The following ANKRD62 variants were observed in gnomAD, a reference collection of about 807,000 sequenced individuals.
ANKRD62 encodes the protein ankyrin repeat domain-containing protein 62.
A neutral mutation model predicts 98.8 loss-of-function variants in ANKRD62; 61 were observed. The observed-to-expected ratio is 0.62, with a 90% CI of 0.50 to 0.76. The LOEUF (loss-of-function observed/expected upper bound fraction) is 0.76, where lower values mean the gene tolerates loss of function less well. Ranked by LOEUF, ANKRD62 falls within the 30% of genes least tolerant of loss-of-function variation. The pLI is 0.00. For missense variants in ANKRD62, 933 were observed against 1,082.9 expected (o/e 0.86, Z 1.94); for synonymous variants, 341 against 367.9 (o/e 0.93, Z 0.84).
chr18:12,146,604 C>T, the ANKRD62 span, among the ~76,000 whole-genome samples: 2 of 152,122 alleles, frequency 1.3e-5, no homozygotes, highest in African/African-American at 4.8e-5. Context: ...GGCCAGCATG[C>T]CCAGCTAATT....
At chr18:12,150,723 A>G in the ANKRD62 span, among the ~76,000 whole-genome samples, 1 of 152,222 alleles carries the variant, frequency 6.6e-6, no homozygotes, top group African/African-American at 2.4e-5. Context: ...AGTGAAGGAG[A>G]AATAAGATCC....
At chr18:12,157,846 G>A in the ANKRD62 span, among the ~76,000 whole-genome samples, 1 of 152,180 alleles carries the variant, frequency 6.6e-6, no homozygotes. Context: ...GGGCAACTAT[G>A]GGCTTCTACA....
chr18:12,113,116 A>G (rs1909583394), intron 8 of ANKRD62, among the ~76,000 whole-genome samples: 1 of 151,968 alleles, frequency 6.6e-6, no homozygotes, highest in Non-Finnish European at 1.5e-5. Flanking sequence ...GCTGGTCTCG[A>G]ACTCCTGACC....
intron 8 of ANKRD62, among the ~76,000 whole-genome samples, chr18:12,108,936 A>G (rs146488397): frequency 1.5e-4 from 23 of 152,362 alleles, no homozygotes; most frequent in Non-Finnish European, 2.9e-4. Context: ...GTGGGCTCCC[A>G]TGGCCTTGGG....
At chr18:12,111,347 T>G (rs1250933788) in intron 8 of ANKRD62, among the ~76,000 whole-genome samples, 1 of 152,192 alleles carries the variant, frequency 6.6e-6, no homozygotes, top group African/African-American at 2.4e-5. Context: ...CAGAAATGTC[T>G]TTTGATGAAA....
the ANKRD62 span, among the ~76,000 whole-genome samples, chr18:12,163,204 A>G: frequency 3.0e-3 from 463 of 152,048 alleles, 2 homozygotes; most frequent in Non-Finnish European, 4.6e-3. Context: ...CATAGTTTTC[A>G]TTATAGAGAT....
At chr18:12,173,032 A>C in the ANKRD62 span, among the ~76,000 whole-genome samples, 1 of 152,124 alleles carries the variant, frequency 6.6e-6, no homozygotes, top group South Asian at 2.1e-4. Context: ...TAGGAAAGAG[A>C]ATTCTCTGAC....
chr18:12,095,589 A>G lies in ANKRD62; in HGVS notation c.486A>G (p.Ala162=). The change falls in exon 3 of 14, where the codon GCA becomes GCG. Residue 162 remains alanine (A), a synonymous_variant. Transcript: ENST00000587848. ...SMARKLLAYG[A]DIEARSQDGH... is the part of the protein sequence containing the mutation. ...CAAGAAAACTGCTTGCATATGGTGC[A>G]GATATTGAAGCAAGAAGCCAGGTAT... is the stretch of plus-strand genomic sequence containing the variant. 1 of 1,523,444 alleles carries G rather than the reference A, an allele frequency of 6.6e-7. No individual in the cohort carries two copies. Among genetic ancestry groups the G allele is most frequent in the Non-Finnish European group, 8.8e-7 (1 of 1,140,228 alleles). 94.4% of individuals were successfully genotyped at this position (1,523,444 alleles called of 1,614,324 possible). A position where few individuals can be genotyped will look rare whatever the true frequency, so the allele number is the denominator to read the frequency against.
chr18:12,115,464 T>C lies in ANKRD62; in HGVS notation c.1170T>C (p.Asp390=). The C allele has an allele frequency of 6.5e-7, 1 of 1,537,030 alleles. No individual in the cohort carries two copies. The highest frequency in any genetic ancestry group is 8.7e-7 in the Non-Finnish European group (1 of 1,146,430). Residue 390 remains aspartate, a synonymous_variant, in exon 10 of 14, where the codon GAT becomes GAC. Coordinates refer to ENST00000587848, the MANE Select transcript of ANKRD62 (RefSeq NM_001277333.2). The stretch of plus-strand genomic sequence containing the variant: ...GGTCATCTGAAAAAACCTCAGAGGA[T>C]GATGAGTTGCCTTACTCTGATGATG... The part of the protein sequence containing the change: ...ISGSSEKTSE[D]DELPYSDDEN...
At chr18:12,136,147 G>T in the ANKRD62 span, among the ~76,000 whole-genome samples, 2 of 151,952 alleles carry the variant, frequency 1.3e-5, no homozygotes, top group African/African-American at 4.8e-5. Flanking sequence ...GTATTGCCTA[G>T]GTTTTCTTCT....
chr18:12,094,848 C>T (rs1209508689), intron 1 of ANKRD62, among the ~76,000 whole-genome samples: 1 of 81,546 alleles, frequency 1.2e-5, no homozygotes, highest in Admixed American at 1.4e-4. Flanking sequence ...GGTGGGGAGT[C>T]GAGTGGAGTG....
At chr18:12,140,930 T>G in the ANKRD62 span, among the ~76,000 whole-genome samples, 2 of 152,238 alleles carry the variant, frequency 1.3e-5, no homozygotes, top group Non-Finnish European at 2.9e-5. Flanking sequence ...GTCTTTTTTT[T>G]GTCTGTGCCC....
chr18:12,125,698 A>G lies in ANKRD62; in HGVS notation c.1877A>G (p.Asn626Ser), dbSNP rs1231742611. Residue 626 changes from asparagine to serine, a missense_variant, in exon 13 of 14, where the codon AAT becomes AGT. This residue lies in a region of ANKRD62 where 362 missense variants were observed against 434.5 expected (regional missense o/e 0.83). Coordinates refer to ENST00000587848, the MANE Select transcript of ANKRD62 (RefSeq NM_001277333.2). Reference protein sequence around the residue: ...KTITRYSKELNVLMDENTMLN... With the variant: ...KTITRYSKELSVLMDENTMLN... Reference sequence around the variant, plus strand: ...ATAACCCGGTATAGTAAAGAGCTTAATGTTCTGATGGATGAGAATACAATG... The same window carrying G: ...ATAACCCGGTATAGTAAAGAGCTTAGTGTTCTGATGGATGAGAATACAATG... 138 of 1,539,730 alleles carry G rather than the reference A, an allele frequency of 9.0e-5. No homozygotes were observed. Among genetic ancestry groups the G allele is most frequent in the Non-Finnish European group, 1.1e-4 (129 of 1,146,874 alleles).
chr18:12,130,800 C>A (rs985845158), downstream of ANKRD62, among the ~76,000 whole-genome samples: 1 of 151,950 alleles, frequency 6.6e-6, no homozygotes, highest in Non-Finnish European at 1.5e-5. Context: ...TCAGGCAATC[C>A]CCTGCCCCAG....
chr18:12,095,419 T>C lies in ANKRD62; in HGVS notation c.334-18T>C. 6.4e-7 allele frequency: 1 copy of C among 1,561,058 alleles called. No individual in the cohort carries two copies. The highest frequency in any genetic ancestry group is 8.6e-7 in the Non-Finnish European group (1 of 1,156,954). On this transcript the variant is annotated intron_variant, in intron 2 of 13. Coordinates refer to ENST00000587848, the MANE Select transcript of ANKRD62 (RefSeq NM_001277333.2). ...TTTCCTAGAATTTACAGTCTATTTC[T>C]TGGTCTAATACTGACAGGCTGTACA...
chr18:12,115,150 C>A, intron 9 of ANKRD62, 29 bp downstream of exon 9: 2 of 1,388,326 alleles, frequency 1.4e-6, no homozygotes, highest in Non-Finnish European at 1.9e-6. Flanking sequence ...GTCAAGAATG[C>A]TGTTGAACAT....
At chr18:12,169,869 T>C in the ANKRD62 span, among the ~76,000 whole-genome samples, 1 of 152,222 alleles carries the variant, frequency 6.6e-6, no homozygotes, top group South Asian at 2.1e-4. Context: ...AGGGTGTATG[T>C]GTCCAGGAAT....
At chr18:12,153,333 G>A in the ANKRD62 span, among the ~76,000 whole-genome samples, 1 of 152,132 alleles carries the variant, frequency 6.6e-6, no homozygotes. Context: ...GCTCATGCCT[G>A]TAATCCCAGC....
At chr18:12,162,293 G>T in the ANKRD62 span, among the ~76,000 whole-genome samples, 2 of 151,970 alleles carry the variant, frequency 1.3e-5, no homozygotes, top group Admixed American at 1.3e-4. Flanking sequence ...TTCTTTGTAT[G>T]CCTGTTTGGC....
Sources: allele counts gnomAD v4.1 joint callset (sites outside exome capture counted in the v4.1 genomes callset), GRCh38; gene constraint gnomAD v4.1.1; regional missense constraint gnomAD v4.1.1; transcripts MANE v1.5; gene names NCBI Gene and HGNC (gene_info 2026-07-23, HGNC 2026-07-21).